Variants in TSPAN9 observed in about 807,000 individuals in gnomAD.
TSPAN9 encodes tetraspanin-9.
In TSPAN9, 16 loss-of-function variants were observed where a neutral mutation model predicts 31.0. The ratio of observed to expected loss-of-function variants is 0.52; its 90% CI spans 0.35 to 0.78. The LOEUF (loss-of-function observed/expected upper bound fraction) is 0.78. Ranked by LOEUF, TSPAN9 falls within the 30% of genes least tolerant of loss-of-function variation. The probability of loss-of-function intolerance (pLI) is 0.01; values close to 1 mark genes in which losing one functional copy is unlikely to be tolerated. For missense variants in TSPAN9, 272 were observed against 312.5 expected (o/e 0.87, Z 0.98); for synonymous variants, 145 against 121.6 (o/e 1.19, Z -1.27).
intron 2 of TSPAN9, among the ~76,000 whole-genome samples, chr12:3,097,633 G>A (rs915703161): frequency 1.3e-5 from 2 of 152,202 alleles, no homozygotes; most frequent in Admixed American, 1.3e-4. Flanking sequence ...GGGGTGGCAA[G>A]TACAGTGCTG....
intron 2 of TSPAN9, among the ~76,000 whole-genome samples, chr12:3,106,675 G>T (rs1292194066): frequency 6.6e-6 from 1 of 152,158 alleles, no homozygotes; most frequent in African/African-American, 2.4e-5. Context: ...GGAGGTTGAG[G>T]TGGGGGGATC....
chr12:3,109,270 G>GTGTGTGTA (rs2098316767), intron 2 of TSPAN9, among the ~76,000 whole-genome samples: 1 of 119,758 alleles, frequency 8.4e-6, no homozygotes, highest in East Asian at 2.2e-4. Context: ...CATATAGTCT[G>GTGTGTGTA]TGTGTGTGTG....
In TSPAN9 at chr12:3,095,635, C is replaced by A. The variant is rs1232311668; in HGVS notation, c.-18+11916C>A. On this transcript the variant is annotated intron_variant, in intron 2 of 8. Coordinates refer to ENST00000011898, the MANE Select transcript of TSPAN9 (RefSeq NM_006675.5). ...CGGCTGGCCGGGCGGAGGGCTGACCCCCCCCACCTCCCTCCCGGACGGGGC... is the reference window on the plus strand; with the variant it reads ...CGGCTGGCCGGGCGGAGGGCTGACCACCCCCACCTCCCTCCCGGACGGGGC... Among the ~76,000 whole-genome samples the A allele has an allele frequency of 6.3e-3, 892 of 141,460 alleles. 17 individuals are homozygous for A. The highest frequency in any genetic ancestry group is 0.011 in the Middle Eastern group (3 of 272). 92.8% of individuals were successfully genotyped at this position (141,460 alleles called of 152,430 possible).
chr12:3,191,764 G>C (rs1227683551), intron 2 of TSPAN9, among the ~76,000 whole-genome samples: 1 of 152,202 alleles, frequency 6.6e-6, no homozygotes, highest in African/African-American at 2.4e-5. Context: ...GGCAGTCTCT[G>C]CCTTTCTGGG....
chr12:3,138,219 GCACA>G (rs1445875155), intron 2 of TSPAN9, among the ~76,000 whole-genome samples: 10 of 152,172 alleles, frequency 6.6e-5, no homozygotes, highest in African/African-American at 2.4e-4. Context: ...GGTGTAGCTG[GCACA>G]CCTGTTAGGA....
At chr12:3,156,082 C>T (rs2098342130) in intron 2 of TSPAN9, among the ~76,000 whole-genome samples, 1 of 152,206 alleles carries the variant, frequency 6.6e-6, no homozygotes, top group South Asian at 2.1e-4. Context: ...TGGGAGGTTT[C>T]AGATCAGTGA....
At chr12:3,133,333 AGTCT>A (rs1397555383) in intron 2 of TSPAN9, among the ~76,000 whole-genome samples, 1 of 152,208 alleles carries the variant, frequency 6.6e-6, no homozygotes, top group Non-Finnish European at 1.5e-5. Flanking sequence ...ATCTGCCAGC[AGTCT>A]GTCTGTCTAA....
chr12:3,092,357 T>C (rs910962302), intron 2 of TSPAN9, among the ~76,000 whole-genome samples: 1 of 152,202 alleles, frequency 6.6e-6, no homozygotes, highest in African/African-American at 2.4e-5. Context: ...GTCTGAGGCA[T>C]CTTTTGGCCC....
chr12:3,241,653 T>G (rs1470642051), intron 3 of TSPAN9, among the ~76,000 whole-genome samples: 1 of 152,230 alleles, frequency 6.6e-6, no homozygotes, highest in African/African-American at 2.4e-5. Flanking sequence ...ATTCCGTGAG[T>G]GCCCTTATCC....
chr12:3,097,995 G>T (rs889268621), intron 2 of TSPAN9, among the ~76,000 whole-genome samples: 1 of 152,262 alleles, frequency 6.6e-6, no homozygotes, highest in African/African-American at 2.4e-5. Flanking sequence ...TGAGGAGCTA[G>T]TGTGGACGTG....
intron 3 of TSPAN9, among the ~76,000 whole-genome samples, chr12:3,226,978 G>C (rs988524848): frequency 4.0e-5 from 6 of 149,474 alleles, no homozygotes; most frequent in Non-Finnish European, 7.4e-5. Context: ...GAGAGGCCAG[G>C]TTATCCTCCC....
At chr12:3,100,806 C>T (rs917525964) in intron 2 of TSPAN9, among the ~76,000 whole-genome samples, 2 of 152,344 alleles carry the variant, frequency 1.3e-5, no homozygotes, top group Non-Finnish European at 2.9e-5. Context: ...TGTTATCTCT[C>T]TAAGTTGGCT....
intron 3 of TSPAN9, among the ~76,000 whole-genome samples, chr12:3,205,521 C>T (rs1393586152): frequency 6.6e-6 from 1 of 152,116 alleles, no homozygotes; most frequent in Non-Finnish European, 1.5e-5. Flanking sequence ...TCTGTGGGCT[C>T]GGGCTGAGGT....
Position 3,281,381 on chromosome 12 carries a change from C to T in TSPAN9, c.564+52C>T, listed in dbSNP as rs776840580. Reference sequence around the variant, plus strand: ...TCCAAGAGCCCGTGTGTGGATGCCCCGGCACGGGGAGCCCTATAGGGGAGG... The same window carrying T: ...TCCAAGAGCCCGTGTGTGGATGCCCTGGCACGGGGAGCCCTATAGGGGAGG... On this transcript the variant is annotated intron_variant, in intron 7 of 8. Transcript: ENST00000011898. 47 of 1,514,426 alleles carry T rather than the reference C, an allele frequency of 3.1e-5. No individual in the cohort carries two copies. The African/African-American group carries it at 4.3e-4, about 14-fold the overall frequency. The allele number at this position is 1,514,426 out of a possible 1,614,324, so 93.8% of individuals were successfully genotyped here. A position where few individuals can be genotyped will look rare whatever the true frequency, so the allele number is the denominator to read the frequency against.
intron 2 of TSPAN9, among the ~76,000 whole-genome samples, chr12:3,115,723 C>T (rs2098321970): frequency 6.6e-6 from 1 of 152,202 alleles, no homozygotes; most frequent in Non-Finnish European, 1.5e-5. Context: ...ATGACCTAAT[C>T]ACCTCCCAAA....
chr12:3,218,878 C>T (rs776844370), intron 3 of TSPAN9, among the ~76,000 whole-genome samples: 8 of 152,176 alleles, frequency 5.3e-5, no homozygotes, highest in Non-Finnish European at 7.3e-5. Context: ...CTTTACCCCC[C>T]GGCAATCCAT....
intron 3 of TSPAN9, among the ~76,000 whole-genome samples, chr12:3,219,116 G>A (rs193172204): frequency 2.4e-4 from 36 of 152,348 alleles, no homozygotes; most frequent in Non-Finnish European, 4.1e-4. Flanking sequence ...GGCCGGGGGA[G>A]GCCGGACGGT....
intron 2 of TSPAN9, among the ~76,000 whole-genome samples, chr12:3,198,662 AC>A (rs2098368990): frequency 4.0e-5 from 4 of 100,464 alleles, no homozygotes; most frequent in South Asian, 3.2e-4. Flanking sequence ...AGCACAGCTC[AC>A]CACCAGCACA....
At chr12:3,198,271 GCCACCACCAGCACAGC>G (rs2098368466) in intron 2 of TSPAN9, among the ~76,000 whole-genome samples, 1 of 87,194 alleles carries the variant, frequency 1.1e-5, no homozygotes, top group East Asian at 3.3e-4. Flanking sequence ...ACCAGCACAG[GCCACCACCAGCACAGC>G]TCACCACCAG....
Sources: allele counts gnomAD v4.1 joint callset (sites outside exome capture counted in the v4.1 genomes callset), GRCh38; gene constraint gnomAD v4.1.1; transcripts MANE v1.5; gene names NCBI Gene and HGNC (gene_info 2026-07-23, HGNC 2026-07-21).